The following PGAP4 variants were observed in gnomAD, a reference collection of about 807,000 sequenced individuals.
PGAP4 encodes post-GPI attachment to proteins GalNAc transferase 4, also known as GPI-N-acetylgalactosamine transferase PGAP4.
PGAP4 carries 12 observed loss-of-function variants against 28.2 expected under a neutral mutation model. That is an observed-to-expected ratio of 0.42 (90% CI 0.27 to 0.69). The LOEUF (loss-of-function observed/expected upper bound fraction) is 0.69, where lower values mean the gene tolerates loss of function less well. PGAP4 is among the 30% of genes least tolerant of loss of function. PGAP4 has a pLI of 0.22. For synonymous variants in PGAP4, 205 were observed against 211.8 expected (o/e 0.97, Z 0.28); for missense variants, 425 against 513.5 (o/e 0.83, Z 1.67).
At chr9:101,497,399 A>G (rs912258798) in intron 2 of PGAP4, among the ~76,000 whole-genome samples, 2 of 151,668 alleles carry the variant, frequency 1.3e-5, no homozygotes, top group African/African-American at 4.8e-5. Flanking sequence ...TAAATACATG[A>G]GTATTATCCC....
chr9:101,492,140 C>T (rs1826695048), upstream of PGAP4, among the ~76,000 whole-genome samples: 1 of 151,668 alleles, frequency 6.6e-6, no homozygotes, highest in South Asian at 2.1e-4. Flanking sequence ...TGCTTTGGCA[C>T]ATATACGTTT....
intron 2 of PGAP4, among the ~76,000 whole-genome samples, chr9:101,528,457 T>C (rs1291625507): frequency 1.3e-5 from 2 of 152,280 alleles, no homozygotes; most frequent in Non-Finnish European, 2.9e-5. Flanking sequence ...TTCTGAATGA[T>C]GGTCATGCCA....
intron 2 of PGAP4, among the ~76,000 whole-genome samples, chr9:101,499,570 G>C (rs908491381): frequency 6.6e-6 from 1 of 152,074 alleles, no homozygotes; most frequent in Non-Finnish European, 1.5e-5. Context: ...TGACTACTAA[G>C]ATCTGTAACA....
chr9:101,491,490 A>G (rs1472609560), upstream of PGAP4, among the ~76,000 whole-genome samples: 1 of 152,114 alleles, frequency 6.6e-6, no homozygotes, highest in East Asian at 1.9e-4. Flanking sequence ...CCCGACTGAC[A>G]TGGCCATTTT....
In PGAP4 at chr9:101,530,945, C is replaced by T. The variant is rs921055693; in HGVS notation, c.-165+403G>A. Among the ~76,000 whole-genome samples the T allele has an allele frequency of 7.2e-5, 11 of 152,172 alleles. No homozygotes were observed. In the East Asian group the frequency reaches 1.7e-3, roughly 24 times the overall value. On this transcript the variant is annotated intron_variant, in intron 2 of 3. Coordinates refer to the PGAP4 transcript ENST00000374851. ...TGAGATTAATATTTAAATTGGTAGA[C>T]TAAAGCAGATTACCCTCCAAAATGT... is the stretch of plus-strand genomic sequence containing the variant.
chr9:101,515,951 A>G (rs1278571296), intron 2 of PGAP4, among the ~76,000 whole-genome samples: 1 of 151,750 alleles, frequency 6.6e-6, no homozygotes, highest in East Asian at 1.9e-4. Flanking sequence ...GTCTCACCAC[A>G]AAAAAAATGG....
intron 2 of PGAP4, among the ~76,000 whole-genome samples, chr9:101,526,318 A>C (rs1312539704): frequency 1.3e-5 from 2 of 152,252 alleles, no homozygotes; most frequent in African/African-American, 4.8e-5. Context: ...GGTTAACTGA[A>C]TATTTGAAAT....
intron 2 of PGAP4, among the ~76,000 whole-genome samples, chr9:101,516,649 T>C (rs1375358304): frequency 6.6e-6 from 1 of 152,342 alleles, no homozygotes; most frequent in Admixed American, 6.5e-5. Context: ...ATTTTCAACA[T>C]GGTTCATACT....
chr9:101,526,476 G>A (rs34153995), intron 2 of PGAP4, among the ~76,000 whole-genome samples: 23,955 of 151,922 alleles, frequency 0.16, 2,186 homozygotes, highest in African/African-American at 0.24. Flanking sequence ...TTGGGATGGC[G>A]TCTGACTCTC....
intron 2 of PGAP4, among the ~76,000 whole-genome samples, chr9:101,522,139 T>A (rs1414748990): frequency 6.6e-6 from 1 of 152,208 alleles, no homozygotes; most frequent in Non-Finnish European, 1.5e-5. Context: ...TATCATATAG[T>A]CTGTCTTGGA....
chr9:101,504,209 G>GTTTTTTTTTTTTTTTTTTTTTTTTTT (rs3081858), intron 2 of PGAP4, among the ~76,000 whole-genome samples: 1 of 22,694 alleles, frequency 4.4e-5, no homozygotes. Flanking sequence ...GTGTGTGTTT[G>GTTTTTTTTTTTTTTTTTTTTTTTTTT]TTTTTTTTTT....
chr9:101,516,154 C>T (rs567653109), intron 2 of PGAP4, among the ~76,000 whole-genome samples: 1 of 152,204 alleles, frequency 6.6e-6, no homozygotes, highest in South Asian at 2.1e-4. Flanking sequence ...CAATTACCTC[C>T]TAATTAAATA....
At position 101,525,720 on chromosome 9, in the gene PGAP4, AAGAG is replaced by A. The variant is rs1209402827; in HGVS notation, c.-165+5624_-165+5627del. ...GTCTCAAAAAAAAAAAAAAAAAAAA[AAGAG>A]AGAGAGAGAGAGAAAATAAATGTTA... On this transcript the variant is annotated intron_variant, in intron 2 of 3. Transcript: ENST00000374851. Among the ~76,000 whole-genome samples, 37 of 148,676 alleles carry A rather than the reference AAGAG, an allele frequency of 2.5e-4. No homozygotes were observed. The East Asian group carries it at 2.9e-3, about 12-fold the overall frequency.
chr9:101,483,196 C>A (rs964602224), intron 1 of PGAP4, among the ~76,000 whole-genome samples: 53 of 152,226 alleles, frequency 3.5e-4, no homozygotes, highest in African/African-American at 1.2e-3. Context: ...AGAAGATGCT[C>A]AATGCTTGTT....
At chr9:101,477,351 G>C (rs1461431400) in intron 1 of PGAP4, among the ~76,000 whole-genome samples, 182 bp from the exon 2 acceptor site, 2 of 97,538 alleles carry the variant, frequency 2.1e-5, no homozygotes, top group South Asian at 4.4e-4. Flanking sequence ...CTTTGGTTGT[G>C]TCTGCTAACA....
chr9:101,520,016 G>T (rs1281155038), intron 2 of PGAP4, among the ~76,000 whole-genome samples: 5 of 152,084 alleles, frequency 3.3e-5, no homozygotes, highest in Non-Finnish European at 7.4e-5. Context: ...CTTTGTTGAA[G>T]ATAAGTTGAC....
rs563420624 is a variant in PGAP4 at position 101,523,173 on chromosome 9, T to G, written c.-165+8175A>C. Among the ~76,000 whole-genome samples, 36 of 146,696 alleles carry G rather than the reference T, an allele frequency of 2.5e-4. No individual in the cohort carries two copies. The South Asian group carries it at 8.2e-3, about 33-fold the overall frequency. On this transcript the variant is annotated intron_variant, in intron 2 of 3. Transcript: ENST00000374851. Reference sequence around the variant, plus strand: ...AGCTCTTAAGATTCTTTCCTTCGTCTTAACTTTGGATAACCTGATGACTTG... The same window carrying G: ...AGCTCTTAAGATTCTTTCCTTCGTCGTAACTTTGGATAACCTGATGACTTG...
upstream of PGAP4, among the ~76,000 whole-genome samples, chr9:101,489,926 T>C (rs1300043188): frequency 2.0e-5 from 3 of 152,194 alleles, no homozygotes; most frequent in African/African-American, 7.2e-5. Flanking sequence ...AACATATACC[T>C]GAGACATAAA....
rs1366304928 is a variant in PGAP4, at chr9:101,477,151, G to C, written c.-59C>G. 6.7e-7 allele frequency: 1 copy of C among 1,493,482 alleles called. No homozygotes were observed. Among genetic ancestry groups the C allele is most frequent in the Non-Finnish European group, 8.9e-7 (1 of 1,123,740 alleles). 92.5% of individuals were successfully genotyped at this position (1,493,482 alleles called of 1,614,324 possible). ...AAAAACCATCCTGGAACTCAGGCCA[G>C]AGTCATCAGAAATCAAACCTAAAGA... On this transcript the variant is annotated 5_prime_UTR_variant, in exon 2 of 2. Transcript: ENST00000374848.
Sources: gnomAD v4.1 joint callset for allele counts (sites outside exome capture counted in the v4.1 genomes callset) on GRCh38, gnomAD v4.1.1 for gene constraint, MANE v1.5 for transcripts, NCBI Gene and HGNC (gene_info 2026-07-23, HGNC 2026-07-21) for gene names.